HEATR5A: variants seen among roughly 807,000 people sequenced by gnomAD.
HEATR5A encodes HEAT repeat-containing protein 5A.
HEATR5A carries 178 observed loss-of-function variants against 218.8 expected under a neutral mutation model. That is an observed-to-expected ratio of 0.81 (90% CI 0.72 to 0.92). The LOEUF (loss-of-function observed/expected upper bound fraction) is 0.92. HEATR5A is among the 40% of genes least tolerant of loss of function. The pLI, the probability that HEATR5A is intolerant of heterozygous loss-of-function variation, is 0.00. For synonymous variants in HEATR5A, 864 were observed against 871.6 expected, an observed-to-expected ratio of 0.99 and a Z score of 0.15; for missense variants, 2,420 against 2,418.9, an observed-to-expected ratio of 1.00 and a Z score of -0.01.
intron 27 of HEATR5A, 105 bp from the exon 28 acceptor site, chr14:31,313,295 G>A: frequency 1.2e-6 from 1 of 811,516 alleles, no homozygotes; most frequent in Admixed American, 2.3e-5. Flanking sequence ...TGAGCATACT[G>A]GACTTGAAAT....
At chr14:31,318,188 A>C in intron 26 of HEATR5A, 36 bp downstream of exon 26, 2 of 1,577,954 alleles carry the variant, frequency 1.3e-6, no homozygotes, top group Non-Finnish European at 1.7e-6. Context: ...CTGCTTCCCA[A>C]GATTATCTCT....
Position 31,302,496 on chromosome 14 carries a change from T to C in HEATR5A, c.5263A>G (p.Ile1755Val), listed in dbSNP as rs371720240. ...PEGSISILPT[I>V]LYLTIGVLRE... Reference sequence around the variant, plus strand: ...AGGACCCCGATTGTGAGGTACAATATAGTAGGGAGAATTGAGATGCTTCCT... The same window carrying C: ...AGGACCCCGATTGTGAGGTACAATACAGTAGGGAGAATTGAGATGCTTCCT... Residue 1755 changes from isoleucine (I) to valine (V), a missense_variant, in exon 33 of 36, where the codon ATA becomes GTA. Ile to Val is a conservative substitution (Grantham distance 29, BLOSUM62 3). Transcript: ENST00000543095. The C allele has an allele frequency of 2.1e-5, 33 of 1,580,640 alleles. No homozygotes were observed. Among genetic ancestry groups the C allele is most frequent in the African/African-American group, 2.0e-4 (15 of 74,210 alleles).
At chr14:31,407,892 T>A (rs1415602251) in intron 1 of HEATR5A, among the ~76,000 whole-genome samples, 1 of 152,170 alleles carries the variant, frequency 6.6e-6, no homozygotes, top group African/African-American at 2.4e-5. Context: ...CCTCCCAAAG[T>A]GCTGGAATTA....
chr14:31,364,342 TAAC>T (rs1555369808), intron 13 of HEATR5A, 44 bp from the exon 14 acceptor site: 1 of 953,008 alleles, frequency 1.0e-6, no homozygotes, highest in Non-Finnish European at 1.6e-6. Context: ...TTAAGTTATA[TAAC>T]AATATACAAA....
In HEATR5A at chr14:31,338,431, A is replaced by G. The variant is rs890769925; in HGVS notation, c.3229-817T>C. ...TATATACATATTTATGTATTGATAG[A>G]ATACATATATGTATACATCTTACAG... On this transcript the variant is annotated intron_variant, in intron 21 of 35. Transcript: ENST00000543095. Among the ~76,000 whole-genome samples the G allele has an allele frequency of 3.9e-5, 6 of 152,178 alleles. 1 individual carries two copies. Among genetic ancestry groups the G allele is most frequent in the Admixed American group, 2.6e-4 (4 of 15,274 alleles).
chr14:31,296,027 A>AGACT lies in HEATR5A; in HGVS notation c.5497_5500dup (p.Leu1834GlnfsTer29). On this transcript the variant is annotated frameshift_variant, in exon 34 of 36. Transcript: ENST00000543095. LOFTEE classifies it high-confidence loss of function. ...AATAAACACTGTGATAGCAGTAAGT[A>AGACT]GACTGACTTCATCAAGTTCTTGGTG... 1 of 1,613,600 alleles carries AGACT rather than the reference A, an allele frequency of 6.2e-7. No homozygotes were observed. Among genetic ancestry groups the AGACT allele is most frequent in the Non-Finnish European group, 8.5e-7 (1 of 1,179,600 alleles).
At chr14:31,336,217 C>CAT (rs3033610) in intron 22 of HEATR5A, among the ~76,000 whole-genome samples, 30 of 38,198 alleles carry the variant, frequency 7.9e-4, no homozygotes, top group South Asian at 4.8e-3. Flanking sequence ...TACATACATA[C>CAT]ATATATATAT....
At chr14:31,301,900 C>T (rs927407678) in intron 33 of HEATR5A, among the ~76,000 whole-genome samples, 1 of 150,808 alleles carries the variant, frequency 6.6e-6, no homozygotes, top group Non-Finnish European at 1.5e-5. Flanking sequence ...TCCCTGAAAC[C>T]TCCACCTCCA....
At chr14:31,320,410 G>C in intron 25 of HEATR5A, 1 of 1,152,794 alleles carries the variant, frequency 8.7e-7, no homozygotes, top group Non-Finnish European at 1.3e-6. Context: ...CACCAACTGT[G>C]GCTGACCCAG....
chr14:31,304,795 G>A, intron 32 of HEATR5A, 110 bp downstream of exon 32: 1 of 1,045,786 alleles, frequency 9.6e-7, no homozygotes, highest in Non-Finnish European at 1.4e-6. Context: ...ATACCCAAAT[G>A]TTTGGGTCAG....
chr14:31,380,448 A>G lies in HEATR5A; in HGVS notation c.1708+19T>C. The G allele has an allele frequency of 6.7e-7, 1 of 1,490,402 alleles. No homozygotes were observed. The highest frequency in any genetic ancestry group is 1.2e-5 in the South Asian group (1 of 84,106). 92.3% of individuals were successfully genotyped at this position (1,490,402 alleles called of 1,614,324 possible). A position where few individuals can be genotyped will look rare whatever the true frequency, so the allele number is the denominator to read the frequency against. On this transcript the variant is annotated intron_variant, in intron 11 of 35. Transcript: ENST00000543095. ...ACACAAAGTATTTCAAGGTATGTAA[A>G]CCTTCTACAGACTGTTACCTAATGT...
At chr14:31,309,600 T>A in intron 28 of HEATR5A, among the ~76,000 whole-genome samples, 1 of 152,302 alleles carries the variant, frequency 6.6e-6, no homozygotes, top group Non-Finnish European at 1.5e-5. Context: ...TTTTATAATT[T>A]AATCATAAAC....
chr14:31,381,558 GAAAAAAAAAAAAA>G (rs142591545), intron 10 of HEATR5A, among the ~76,000 whole-genome samples: 4 of 53,784 alleles, frequency 7.4e-5, no homozygotes, highest in African/African-American at 1.4e-4. Flanking sequence ...TGTCTCCTTG[GAAAAAAAAAAAAA>G]AAAAAAAAAA....
intron 11 of HEATR5A, among the ~76,000 whole-genome samples, chr14:31,377,347 G>A (rs1902266430): frequency 6.6e-6 from 1 of 152,020 alleles, no homozygotes; most frequent in Non-Finnish European, 1.5e-5. Flanking sequence ...TTTGAGGATC[G>A]AAAGGAATAA....
intron 6 of HEATR5A, among the ~76,000 whole-genome samples, chr14:31,390,721 A>G (rs2030419003): frequency 6.6e-6 from 1 of 152,182 alleles, no homozygotes; most frequent in Non-Finnish European, 1.5e-5. Flanking sequence ...AAACAACCCT[A>G]CTACACTGCC....
Position 31,315,802 on chromosome 14 carries a change from C to T in HEATR5A, c.4186G>A (p.Glu1396Lys), listed in dbSNP as rs748643593. The part of the protein sequence containing the change: ...HLYNESASTM[E>K]ILAVLKAWAE... ...CAGGCTTTAAGCACAGCTAAGATCT[C>T]CATGGTAGAAGCACTTTCATTATAT... Residue 1396 changes from glutamate to lysine, a missense_variant, in exon 27 of 36, where the codon GAG (glutamate) becomes AAG (lysine). Transcript: ENST00000543095. 3.1e-6 allele frequency: 5 copies of T among 1,612,118 alleles called. No homozygotes were observed. The South Asian group carries it at 5.5e-5, about 18-fold the overall frequency.
intron 30 of HEATR5A, 46 bp from the exon 31 acceptor site, chr14:31,306,925 TTTC>T (rs768138378): frequency 6.9e-7 from 1 of 1,445,156 alleles, no homozygotes; most frequent in East Asian, 2.4e-5. Flanking sequence ...AAATTATACA[TTTC>T]TTTTGTAAAA....
intron 28 of HEATR5A, among the ~76,000 whole-genome samples, chr14:31,310,824 A>G (rs1026791965): frequency 3.9e-5 from 6 of 152,058 alleles, no homozygotes; most frequent in East Asian, 3.9e-4. Context: ...AACACTCCAT[A>G]TATCTTTTTG....
intron 1 of HEATR5A, among the ~76,000 whole-genome samples, chr14:31,406,803 C>A (rs1477340509): frequency 6.6e-6 from 1 of 151,508 alleles, no homozygotes; most frequent in African/African-American, 2.4e-5. Flanking sequence ...ACCAAAAATA[C>A]AAAAAATTAG....
Sources: gnomAD v4.1 joint callset for allele counts (sites outside exome capture counted in the v4.1 genomes callset) on GRCh38, gnomAD v4.1.1 for gene constraint, MANE v1.5 for transcripts, NCBI Gene and HGNC (gene_info 2026-07-23, HGNC 2026-07-21) for gene names.